Variants in PCDHA9 observed in about 807,000 individuals in gnomAD.
PCDHA9 encodes the protein protocadherin alpha-9.
PCDHA9 carries 62 observed loss-of-function variants against 62.0 expected under a neutral mutation model. The ratio of observed to expected loss-of-function variants is 1.00; its 90% confidence interval spans 0.81 to 1.23. PCDHA9 has a LOEUF of 1.23. Ranked by LOEUF, PCDHA9 falls within the 50% of genes most tolerant of loss-of-function variation. The probability of loss-of-function intolerance (pLI) is 0.00; values close to 1 mark genes in which losing one functional copy is unlikely to be tolerated. For missense variants in PCDHA9, 1,205 were observed against 1,249.8 expected (o/e 0.96, Z 0.54); for synonymous variants, 557 against 567.6 (o/e 0.98, Z 0.27).
chr5:140,939,499 A>G (rs1467638389), intron 1 of PCDHA9, among the ~76,000 whole-genome samples: 1 of 152,234 alleles, frequency 6.6e-6, no homozygotes, highest in African/African-American at 2.4e-5. Flanking sequence ...TATAAATTCA[A>G]TGTCTATAAC....
chr5:140,996,636 T>G (rs561950169), intron 3 of PCDHA9, among the ~76,000 whole-genome samples: 17 of 152,346 alleles, frequency 1.1e-4, no homozygotes, highest in Middle Eastern at 6.8e-3. Context: ...CTGCAAATTA[T>G]GTAGTTAATC....
intron 1 of PCDHA9, chr5:140,876,390 T>C (rs782772987): frequency 1.2e-6 from 2 of 1,613,902 alleles, no homozygotes; most frequent in African/African-American, 1.3e-5. Context: ...GAATTTATGG[T>C]GAACTGGATT....
intron 1 of PCDHA9, chr5:140,858,383 A>T: frequency 6.3e-7 from 1 of 1,584,980 alleles, no homozygotes; most frequent in African/African-American, 1.3e-5. Flanking sequence ...ACCATGCCCA[A>T]TGGTAGATGT....
At chr5:140,889,479 T>C (rs1399086830) in intron 1 of PCDHA9, among the ~76,000 whole-genome samples, 1 of 152,184 alleles carries the variant, frequency 6.6e-6, no homozygotes, top group Admixed American at 6.5e-5. Context: ...GCTCATACTT[T>C]CTACAGAATC....
intron 1 of PCDHA9, among the ~76,000 whole-genome samples, chr5:140,903,753 A>ACTTGATGACCCATAGTCAAATGTTCAG (rs2070561730): frequency 2.0e-5 from 3 of 152,186 alleles, no homozygotes; most frequent in Non-Finnish European, 4.4e-5. Flanking sequence ...GTTTCCCTTG[A>ACTTGATGACCCATAGTCAAATGTTCAG]TTTTTGCTGA....
rs1237134609 is a variant in PCDHA9 at position 141,011,353 on chromosome 5, A to T, written c.*1416A>T. 6.5e-6 allele frequency: 1 copy of T among 153,692 alleles called. No homozygotes were observed. The highest frequency in any genetic ancestry group is 1.5e-5 in the Non-Finnish European group (1 of 68,032). The allele number at this position is 153,692 out of a possible 1,614,324, so 9.5% of individuals were successfully genotyped here. On this transcript the variant is annotated 3_prime_UTR_variant, in exon 4 of 4. Coordinates refer to ENST00000532602, the MANE Select transcript of PCDHA9 (RefSeq NM_031857.2). ...ATGTTACCTGAAATCAATCTCCCAT[A>T]TGTATGCTGTATGCTATGCTAAGAC...
chr5:140,891,602 T>G (rs1002471186), intron 1 of PCDHA9, among the ~76,000 whole-genome samples: 16 of 152,184 alleles, frequency 1.1e-4, no homozygotes, highest in Non-Finnish European at 1.8e-4. Context: ...TCCCATCTAT[T>G]TCTACCTTTT....
chr5:140,988,444 A>G (rs1554250146), intron 3 of PCDHA9, among the ~76,000 whole-genome samples: 1 of 152,112 alleles, frequency 6.6e-6, no homozygotes, highest in Non-Finnish European at 1.5e-5. Flanking sequence ...GATTGACCTG[A>G]AGGGAGGAAG....
intron 1 of PCDHA9, chr5:140,927,331 A>T: frequency 6.2e-7 from 1 of 1,614,134 alleles, no homozygotes; most frequent in Non-Finnish European, 8.5e-7. Flanking sequence ...TACTCTCCCG[A>T]ATGCCCAAGA....
At chr5:140,994,157 G>A (rs958405989) in intron 3 of PCDHA9, among the ~76,000 whole-genome samples, 1 of 152,198 alleles carries the variant, frequency 6.6e-6, no homozygotes, top group Non-Finnish European at 1.5e-5. Context: ...TAGGGTCAAC[G>A]AAGGGGAAGG....
At chr5:140,877,705 G>A (rs974017564) in intron 1 of PCDHA9, 1 of 1,614,016 alleles carries the variant, frequency 6.2e-7, no homozygotes, top group South Asian at 1.1e-5. Flanking sequence ...CTCCAGCGCC[G>A]TGGGGAGTTG....
At position 140,982,510 on chromosome 5, in the gene PCDHA9, C is replaced by T; in HGVS notation, c.2489C>T (p.Ala830Val). 6.2e-7 allele frequency: 1 copy of T among 1,614,170 alleles called. No homozygotes were observed. The highest frequency in any genetic ancestry group is 8.5e-7 in the Non-Finnish European group (1 of 1,180,020). The change falls in exon 3 of 4, where the codon GCT becomes GTT. Residue 830 changes from alanine to valine, a missense_variant. Ala to Val is a moderately conservative substitution (Grantham distance 64, BLOSUM62 0). Coordinates refer to ENST00000532602, the MANE Select transcript of PCDHA9 (RefSeq NM_031857.2). ...CTAGAGGAGGCTGGCATTCTACGGGCTGGTCCAGGAGGGCCTGATCAGCAG... is the reference window on the plus strand; with the variant it reads ...CTAGAGGAGGCTGGCATTCTACGGGTTGGTCCAGGAGGGCCTGATCAGCAG... ...VHLEEAGILR[A>V]GPGGPDQQWP...
chr5:140,948,255 C>G (rs1271882562), intron 1 of PCDHA9, among the ~76,000 whole-genome samples: 1 of 151,484 alleles, frequency 6.6e-6, no homozygotes, highest in Non-Finnish European at 1.5e-5. Flanking sequence ...ATTTTTACAT[C>G]TGTGTTCATG....
chr5:140,998,910 A>T (rs1346967203), intron 3 of PCDHA9, among the ~76,000 whole-genome samples: 1 of 152,230 alleles, frequency 6.6e-6, no homozygotes, highest in South Asian at 2.1e-4. Context: ...TCCGGGAGGT[A>T]GCTATTATAT....
chr5:140,928,807 C>G (rs782261335), intron 1 of PCDHA9: 1 of 1,614,094 alleles, frequency 6.2e-7, no homozygotes, highest in Admixed American at 1.7e-5. Context: ...GGTAGTGGTT[C>G]GGGACCATGG....
chr5:140,980,978 C>T (rs1482749121), intron 2 of PCDHA9, among the ~76,000 whole-genome samples: 1 of 152,032 alleles, frequency 6.6e-6, no homozygotes, highest in South Asian at 2.1e-4. Flanking sequence ...TCTGACTGAG[C>T]CCACACAATT....
intron 1 of PCDHA9, among the ~76,000 whole-genome samples, chr5:140,873,904 G>A (rs936002886): frequency 6.6e-6 from 1 of 152,074 alleles, no homozygotes; most frequent in African/African-American, 2.4e-5. Flanking sequence ...CAGGTGATCT[G>A]CCTGCCTCAG....
In PCDHA9 at chr5:140,850,072, A is replaced by C. The variant is rs2150465925; in HGVS notation, c.1577A>C (p.Glu526Ala). 113 of 1,596,472 alleles carry C rather than the reference A, an allele frequency of 7.1e-5. 13 individuals are homozygous for C. The Admixed American group carries it at 1.8e-3, about 25-fold the overall frequency. The change falls in exon 1 of 4, where the codon GAG (glutamate) becomes GCG (alanine). Residue 526 changes from glutamate to alanine, a missense_variant. By Grantham distance (107) the Glu-to-Ala change is moderately radical. This residue lies in a region of PCDHA9 where 887 missense variants were observed against 809.5 expected (regional missense o/e 1.10). Coordinates refer to ENST00000532602, the MANE Select transcript of PCDHA9 (RefSeq NM_031857.2). The stretch of plus-strand genomic sequence containing the variant: ...TACGCGCTGCAGCCGTTGGACCACG[A>C]GGAGCTGGAGCTGCTACAGTTCCAG... ...KVYALQPLDH[E>A]ELELLQFQVS...
chr5:140,890,635 C>G (rs1015207309), intron 1 of PCDHA9, among the ~76,000 whole-genome samples: 1 of 152,114 alleles, frequency 6.6e-6, no homozygotes, highest in Non-Finnish European at 1.5e-5. Flanking sequence ...AAGCATGTAT[C>G]CTTGATATAT....
Sources: gnomAD v4.1 joint callset for allele counts (sites outside exome capture counted in the v4.1 genomes callset) on GRCh38, gnomAD v4.1.1 for gene constraint, gnomAD v4.1.1 regional missense constraint, MANE v1.5 for transcripts, NCBI Gene and HGNC (gene_info 2026-07-23, HGNC 2026-07-21) for gene names.